Variants in TAFA2 observed in about 807,000 individuals in gnomAD.
TAFA2 encodes chemokine-like protein TAFA-2.
Under a neutral mutation model 18.8 loss-of-function variants are expected in TAFA2, and 7 were observed. The observed-to-expected ratio is 0.37, with a 90% CI of 0.21 to 0.70. The LOEUF (loss-of-function observed/expected upper bound fraction) is 0.70. Ranked by LOEUF, TAFA2 falls within the 30% of genes least tolerant of loss-of-function variation. The pLI, the probability that TAFA2 is intolerant of heterozygous loss-of-function variation, is 0.53. For missense variants in TAFA2, 122 were observed against 158.1 expected (o/e 0.77, Z 1.23); for synonymous variants, 60 against 54.2 (o/e 1.11, Z -0.47).
intron 2 of TAFA2, among the ~76,000 whole-genome samples, chr12:61,846,723 C>T (rs1873420053): frequency 6.6e-6 from 1 of 151,998 alleles, no homozygotes; most frequent in South Asian, 2.1e-4. Flanking sequence ...TAATTGCATC[C>T]ACGAACAACT....
intron 1 of TAFA2, among the ~76,000 whole-genome samples, chr12:62,149,473 G>A (rs2062311605): frequency 6.6e-6 from 1 of 151,136 alleles, no homozygotes; most frequent in South Asian, 2.1e-4. Flanking sequence ...TTATATATCA[G>A]GCTTCTAACT....
chr12:62,228,205 C>A (rs551050595), intron 1 of TAFA2, among the ~76,000 whole-genome samples: 1 of 152,212 alleles, frequency 6.6e-6, no homozygotes, highest in East Asian at 1.9e-4. Flanking sequence ...CACTTGGAAT[C>A]CTTCGTGTTT....
At chr12:61,840,112 C>T (rs192697385) in intron 2 of TAFA2, among the ~76,000 whole-genome samples, 1 of 151,990 alleles carries the variant, frequency 6.6e-6, no homozygotes. Context: ...GCAGTAGGTC[C>T]TTGCTGTCTT....
intron 1 of TAFA2, chr12:61,880,791 C>A: frequency 2.9e-6 from 1 of 349,642 alleles, no homozygotes; most frequent in East Asian, 6.8e-5. Flanking sequence ...GGCAGCCCCT[C>A]CCACCCTACT....
intron 2 of TAFA2, among the ~76,000 whole-genome samples, chr12:61,780,709 C>CT (rs1002657157): frequency 3.6e-4 from 54 of 151,806 alleles, no homozygotes; most frequent in African/African-American, 1.3e-3. Context: ...ACCAATCTCC[C>CT]TGCTAAAGTC....
intron 1 of TAFA2, among the ~76,000 whole-genome samples, chr12:62,043,672 A>T (rs1045046796): frequency 2.6e-5 from 4 of 152,180 alleles, no homozygotes; most frequent in Non-Finnish European, 5.9e-5. Context: ...TATTAATTAA[A>T]TATATCTTTA....
chr12:61,803,911 T>C (rs1293242446), intron 2 of TAFA2, among the ~76,000 whole-genome samples: 1 of 151,978 alleles, frequency 6.6e-6, no homozygotes, highest in Non-Finnish European at 1.5e-5. Context: ...ACAATAGCTA[T>C]AATTTATATA....
At position 62,140,621 on chromosome 12, in the gene TAFA2, C is replaced by T. The variant is rs149771641; in HGVS notation, c.-2+50638G>A. On this transcript the variant is annotated intron_variant, in intron 1 of 4. Transcript: ENST00000416284. ...TAATCTCTAATAAATATCTCATAGG[C>T]AGAACTCTGCCTCACTGTCTGCTTC... Among the ~76,000 whole-genome samples the T allele has an allele frequency of 2.7e-3, 412 of 152,276 alleles. 2 individuals carry two copies. The highest frequency in any genetic ancestry group is 8.9e-3 in the African/African-American group (368 of 41,544).
chr12:61,971,468 C>T (rs1364438783), intron 1 of TAFA2, among the ~76,000 whole-genome samples: 1 of 151,052 alleles, frequency 6.6e-6, no homozygotes, highest in African/African-American at 2.4e-5. Flanking sequence ...GCACACGTAC[C>T]CTAAAACTTA....
In TAFA2 at chr12:62,191,919, A is replaced by C. The variant is rs1017597198; in HGVS notation, c.-662T>G. On this transcript the variant is annotated 5_prime_UTR_variant, in exon 1 of 5. Transcript: ENST00000416284. ...TTGGACAGAATGATTCACCTTCAGG[A>C]AAGCAGCCTCGGCCACGCACTTCTC... The C allele has an allele frequency of 6.6e-6, 1 of 152,264 alleles. No homozygotes were observed. Among genetic ancestry groups the C allele is most frequent in the African/African-American group, 2.4e-5 (1 of 41,416 alleles). 9.4% of individuals were successfully genotyped at this position (152,264 alleles called of 1,614,324 possible).
chr12:62,142,070 T>C (rs978151056), intron 1 of TAFA2, among the ~76,000 whole-genome samples: 7 of 152,196 alleles, frequency 4.6e-5, no homozygotes, highest in Non-Finnish European at 8.8e-5. Context: ...ATGTGCTAGC[T>C]ACCAGTAGGA....
chr12:61,788,593 CA>C (rs1870837683), intron 2 of TAFA2, among the ~76,000 whole-genome samples: 2 of 151,380 alleles, frequency 1.3e-5, no homozygotes, highest in African/African-American at 4.8e-5. Flanking sequence ...AAAACCCATA[CA>C]AAACATCAAC....
chr12:62,101,127 C>T (rs1869183058), intron 1 of TAFA2, among the ~76,000 whole-genome samples: 2 of 151,998 alleles, frequency 1.3e-5, no homozygotes, highest in South Asian at 2.1e-4. Context: ...CTCAAGAGTG[C>T]CCCAGAATAA....
intron 1 of TAFA2, among the ~76,000 whole-genome samples, chr12:62,035,764 C>T (rs1390470852): frequency 1.9e-5 from 1 of 51,658 alleles, no homozygotes. Context: ...TTTTTTGAGG[C>T]GGAGTTTCGC....
At chr12:61,875,317 C>T (rs1192261580) in intron 1 of TAFA2, among the ~76,000 whole-genome samples, 1 of 152,026 alleles carries the variant, frequency 6.6e-6, no homozygotes, top group Admixed American at 6.6e-5. Context: ...AAACTACTTT[C>T]TTTCTCTGCA....
At chr12:61,842,133 C>T (rs1049422821) in intron 2 of TAFA2, among the ~76,000 whole-genome samples, 2 of 151,694 alleles carry the variant, frequency 1.3e-5, no homozygotes. Flanking sequence ...AAAACAGCCA[C>T]GTTTAACACT....
chr12:61,821,172 T>C (rs1306354347), intron 2 of TAFA2, among the ~76,000 whole-genome samples: 1 of 147,688 alleles, frequency 6.8e-6, no homozygotes, highest in Non-Finnish European at 1.5e-5. Context: ...CACAATTATT[T>C]GGAGGGTGCT....
rs143012938 is a variant in TAFA2 at position 61,826,757 on chromosome 12, G to GTC, written c.106+40561_106+40562dup. Reference sequence around the variant, plus strand: ...CATTTATTCATACTCTCTGAACTCTGTCTCTCTCTCTCTCTCTCTCACTTT... The same window carrying GTC: ...CATTTATTCATACTCTCTGAACTCTGTCTCTCTCTCTCTCTCTCTCTCACTTT... On this transcript the variant is annotated intron_variant, in intron 2 of 4. Coordinates refer to ENST00000416284, the MANE Select transcript of TAFA2 (RefSeq NM_178539.5). Among the ~76,000 whole-genome samples the GTC allele has an allele frequency of 8.8e-3, 1,320 of 149,274 alleles. 26 individuals carry two copies. Among genetic ancestry groups the GTC allele is most frequent in the African/African-American group, 0.03 (1,234 of 40,676 alleles).
chr12:61,928,961 G>A (rs1264536778), intron 1 of TAFA2, among the ~76,000 whole-genome samples: 1 of 152,054 alleles, frequency 6.6e-6, no homozygotes, highest in East Asian at 1.9e-4. Context: ...TGAACAATGA[G>A]AACACATGGA....
Sources: allele counts gnomAD v4.1 joint callset (sites outside exome capture counted in the v4.1 genomes callset), GRCh38; gene constraint gnomAD v4.1.1; transcripts MANE v1.5; gene names NCBI Gene and HGNC (gene_info 2026-07-23, HGNC 2026-07-21).